Variants in GRIK4 observed in about 807,000 individuals in gnomAD.
The protein encoded by GRIK4 is glutamate receptor ionotropic, kainate 4.
Under a neutral mutation model 104.9 loss-of-function variants are expected in GRIK4, and 40 were observed. That is an observed-to-expected ratio of 0.38 (90% confidence interval 0.30 to 0.50). GRIK4 has a LOEUF of 0.50. Ranked by LOEUF, GRIK4 falls within the 20% of genes least tolerant of loss-of-function variation. The probability of loss-of-function intolerance (pLI) is 0.93; values close to 1 mark genes in which losing one functional copy is unlikely to be tolerated. For missense variants in GRIK4, 1,047 were observed against 1,308.1 expected, an observed-to-expected ratio of 0.80 and a Z score of 3.08; for synonymous variants, 485 against 524.9, an observed-to-expected ratio of 0.92 and a Z score of 1.04.
chr11:120,664,734 T>C (rs1949878647), intron 3 of GRIK4, among the ~76,000 whole-genome samples: 3 of 152,260 alleles, frequency 2.0e-5, no homozygotes, highest in Admixed American at 2.0e-4. Context: ...ATGGCTAATA[T>C]AGTTTCCTGC....
At chr11:120,957,986 T>C (rs1325524320) in intron 16 of GRIK4, among the ~76,000 whole-genome samples, 1 of 152,184 alleles carries the variant, frequency 6.6e-6, no homozygotes, top group Admixed American at 6.5e-5. Context: ...GAGAAGTCAC[T>C]GAATGGATCA....
At chr11:120,676,269 G>A (rs559995036) in intron 3 of GRIK4, among the ~76,000 whole-genome samples, 1 of 152,236 alleles carries the variant, frequency 6.6e-6, no homozygotes, top group African/African-American at 2.4e-5. Context: ...CATGAGATTC[G>A]ATTGAATCTC....
At chr11:120,976,004 C>T (rs189799693) in intron 19 of GRIK4, among the ~76,000 whole-genome samples, 150 of 152,340 alleles carry the variant, frequency 9.8e-4, no homozygotes, top group Non-Finnish European at 1.8e-3. Flanking sequence ...AGTAAACACT[C>T]ATAAAGGTCA....
chr11:120,890,659 C>T (rs1955262382), intron 11 of GRIK4, among the ~76,000 whole-genome samples: 1 of 152,210 alleles, frequency 6.6e-6, no homozygotes, highest in South Asian at 2.1e-4. Flanking sequence ...ATTTATTCAA[C>T]AGAAAGGTGT....
chr11:120,812,247 G>A (rs1233819618), intron 4 of GRIK4, among the ~76,000 whole-genome samples: 1 of 152,162 alleles, frequency 6.6e-6, no homozygotes, highest in Admixed American at 6.5e-5. Context: ...GGATGACTGT[G>A]GCTTTGAGCT....
chr11:120,653,320 G>T (rs1430955267), intron 1 of GRIK4, among the ~76,000 whole-genome samples: 1 of 152,208 alleles, frequency 6.6e-6, no homozygotes, highest in African/African-American at 2.4e-5. Flanking sequence ...TAAAAAAGTG[G>T]AAATGAGTTT....
Position 120,957,591 on chromosome 11 carries a change from ATGTG to A in GRIK4, c.1874+670_1874+673del, listed in dbSNP as rs72064502. Among the ~76,000 whole-genome samples, 188 of 136,340 alleles carry A rather than the reference ATGTG, an allele frequency of 1.4e-3. 2 individuals are homozygous for A. Among genetic ancestry groups the A allele is most frequent in the African/African-American group, 2.9e-3 (99 of 34,276 alleles). The allele number at this position is 136,340 out of a possible 152,430, so 89.4% of individuals were successfully genotyped here. ...TGGGGGCAAAGGAAAGACAAAACAA[ATGTG>A]TGTGTGTGTGTGTGTGTGTGTGTGT... On this transcript the variant is annotated intron_variant, in intron 16 of 20. Transcript: ENST00000527524.
At chr11:120,600,610 C>T (rs1948872291) in intron 1 of GRIK4, among the ~76,000 whole-genome samples, 1 of 152,160 alleles carries the variant, frequency 6.6e-6, no homozygotes, top group South Asian at 2.1e-4. Context: ...AGGCAGGGGT[C>T]TGGGGACCCT....
intron 7 of GRIK4, 48 bp downstream of exon 7, chr11:120,832,078 C>A (rs781694098): frequency 4.4e-6 from 6 of 1,352,364 alleles, no homozygotes; most frequent in Non-Finnish European, 6.2e-6. Context: ...TCCACCCTCC[C>A]CCCTCCTTGC....
At chr11:120,871,521 T>C (rs1327786566) in intron 9 of GRIK4, 1 of 442,018 alleles carries the variant, frequency 2.3e-6, no homozygotes, top group Non-Finnish European at 4.6e-6. Flanking sequence ...TCAGCAAGAC[T>C]GCAGAGGTGT....
At chr11:120,966,204 G>T (rs1944380865) in intron 18 of GRIK4, among the ~76,000 whole-genome samples, 1 of 152,148 alleles carries the variant, frequency 6.6e-6, no homozygotes, top group South Asian at 2.1e-4. Context: ...GTGATGGACA[G>T]GCCAGTGGGT....
intron 8 of GRIK4, among the ~76,000 whole-genome samples, chr11:120,850,292 C>T (rs1373417775): frequency 6.6e-6 from 1 of 152,076 alleles, no homozygotes; most frequent in African/African-American, 2.4e-5. Flanking sequence ...ATCGTAGTCA[C>T]AGTCCTGGGG....
At chr11:120,646,731 T>C (rs1435558900) in intron 1 of GRIK4, among the ~76,000 whole-genome samples, 1 of 152,114 alleles carries the variant, frequency 6.6e-6, no homozygotes, top group Non-Finnish European at 1.5e-5. Context: ...GTCAGACATA[T>C]CCTAGAACAT....
At chr11:120,710,299 A>C (rs1301802889) in intron 3 of GRIK4, among the ~76,000 whole-genome samples, 2 of 152,200 alleles carry the variant, frequency 1.3e-5, no homozygotes, top group Non-Finnish European at 2.9e-5. Context: ...ATAATTTGCC[A>C]GATGAGAAAG....
At chr11:120,845,629 A>G (rs1405189775) in intron 8 of GRIK4, among the ~76,000 whole-genome samples, 2 of 150,022 alleles carry the variant, frequency 1.3e-5, no homozygotes, top group African/African-American at 5.0e-5. Flanking sequence ...ACATATACAC[A>G]CACATCCCTA....
chr11:120,905,452 A>G lies in GRIK4; in HGVS notation c.1435A>G (p.Asn479Asp). Residue 479 changes from asparagine (N) to aspartate (D), a missense_variant, in exon 13 of 21, where the codon AAC becomes GAC. By Grantham distance (23) the Asn-to-Asp change is conservative. This residue lies in a region of GRIK4 where 440 missense variants were observed against 652.3 expected (regional missense o/e 0.67). Transcript: ENST00000527524. This position sits in a 1 kb window ranked among gnomAD's most constrained non-coding sequence, Gnocchi z 5.1. ...TGGCGTGTACGGCGTTCCCGAGGCC[A>G]ACGGCACCTGGACGGGAATGGTCGG... The part of the protein sequence containing the change: ...GDGVYGVPEA[N>D]GTWTGMVGEL... 1 of 1,611,064 alleles carries G rather than the reference A, an allele frequency of 6.2e-7. No individual in the cohort carries two copies. Among genetic ancestry groups the G allele is most frequent in the Non-Finnish European group, 8.5e-7 (1 of 1,178,502 alleles).
intron 1 of GRIK4, among the ~76,000 whole-genome samples, chr11:120,632,247 A>G (rs1272295681): frequency 2.0e-5 from 3 of 152,184 alleles, no homozygotes; most frequent in Non-Finnish European, 4.4e-5. Flanking sequence ...CCTGGAAGAC[A>G]GCCTTCACCA....
At chr11:120,568,919 G>A (rs1948363801) in intron 1 of GRIK4, among the ~76,000 whole-genome samples, 1 of 152,004 alleles carries the variant, frequency 6.6e-6, no homozygotes, top group Non-Finnish European at 1.5e-5. Flanking sequence ...GGTTTGCAAA[G>A]TGGAAAACAA....
chr11:120,753,909 T>A (rs1033454462), intron 3 of GRIK4, among the ~76,000 whole-genome samples: 1 of 152,204 alleles, frequency 6.6e-6, no homozygotes, highest in Non-Finnish European at 1.5e-5. Context: ...ACTTTTCCAA[T>A]TTTTTCAGCA....
Sources: allele counts gnomAD v4.1 joint callset (sites outside exome capture counted in the v4.1 genomes callset), GRCh38; gene constraint gnomAD v4.1.1; regional missense constraint gnomAD v4.1.1; non-coding constraint Gnocchi (gnomAD v3.1); transcripts MANE v1.5; gene names NCBI Gene and HGNC (gene_info 2026-07-23, HGNC 2026-07-21).